The following CENPP variants were observed in gnomAD, a reference collection of about 807,000 sequenced individuals.
CENPP encodes the protein centromere protein P.
CENPP carries 24 observed loss-of-function variants against 35.6 expected under a neutral mutation model. That is an observed-to-expected ratio of 0.67 (90% confidence interval 0.49 to 0.95). The LOEUF is 0.95. CENPP is among the 40% of genes least tolerant of loss of function. CENPP has a pLI of 0.00. For missense variants in CENPP, 332 were observed against 345.3 expected (o/e 0.96, Z 0.31); for synonymous variants, 120 against 125.5 (o/e 0.96, Z 0.29).
intron 5 of CENPP, among the ~76,000 whole-genome samples, chr9:92,381,154 G>T (rs987837464): frequency 1.3e-5 from 2 of 152,084 alleles, no homozygotes; most frequent in Non-Finnish European, 1.5e-5. Context: ...CTTAGCACTT[G>T]CTACCACTGT....
chr9:92,420,261 T>C (rs1459624608), intron 5 of CENPP, among the ~76,000 whole-genome samples: 1 of 152,176 alleles, frequency 6.6e-6, no homozygotes, highest in East Asian at 1.9e-4. Flanking sequence ...GATTCTACTG[T>C]TTTTCACTGT....
chr9:92,512,187 T>C, intron 5 of CENPP: 1 of 1,113,820 alleles, frequency 9.0e-7, no homozygotes, highest in Non-Finnish European at 1.4e-6. Flanking sequence ...TACACACATG[T>C]ATGGGCATGT....
At chr9:92,466,098 G>A (rs1564336208) in intron 5 of CENPP, among the ~76,000 whole-genome samples, 2 of 152,192 alleles carry the variant, frequency 1.3e-5, no homozygotes, top group Admixed American at 6.5e-5. Flanking sequence ...CTCCCAAAGT[G>A]TTGGGATTAC....
chr9:92,371,593 G>C (rs1312448611), intron 4 of CENPP, among the ~76,000 whole-genome samples: 1 of 152,236 alleles, frequency 6.6e-6, no homozygotes, highest in East Asian at 1.9e-4. Flanking sequence ...GCAGTTGTTG[G>C]ATAGCATGTT....
chr9:92,390,100 C>A, intron 5 of CENPP: 1 of 1,142,268 alleles, frequency 8.8e-7, no homozygotes, highest in South Asian at 1.4e-5. Context: ...AAGTAAAATT[C>A]TTATTGTATG....
chr9:92,359,124 T>C (rs1311937042), intron 4 of CENPP, among the ~76,000 whole-genome samples: 1 of 151,974 alleles, frequency 6.6e-6, no homozygotes, highest in East Asian at 1.9e-4. Flanking sequence ...TAATTTTGTA[T>C]TTTTAGTAGA....
chr9:92,501,231 T>C (rs138050720), intron 5 of CENPP, among the ~76,000 whole-genome samples: 59 of 152,274 alleles, frequency 3.9e-4, no homozygotes, highest in African/African-American at 1.4e-3. Context: ...TGCACCAAGC[T>C]GCATGTCCTT....
chr9:92,567,923 A>G (rs1050304577), intron 5 of CENPP, among the ~76,000 whole-genome samples: 2 of 152,204 alleles, frequency 1.3e-5, no homozygotes, highest in Non-Finnish European at 2.9e-5. Flanking sequence ...GGAAAAGGTA[A>G]TACAGGAAAT....
At chr9:92,609,281 G>A (rs1219122001) in intron 5 of CENPP, among the ~76,000 whole-genome samples, 1 of 152,246 alleles carries the variant, frequency 6.6e-6, no homozygotes, top group African/African-American at 2.4e-5. Context: ...ACACTGGCAA[G>A]AGCTCAGCGA....
chr9:92,384,182 A>G (rs1244449690), intron 5 of CENPP: 1 of 152,210 alleles, frequency 6.6e-6, no homozygotes, highest in Non-Finnish European at 1.5e-5. Flanking sequence ...ATGAGCTAAT[A>G]ATCATTGTTA....
At chr9:92,342,090 A>G (rs368840414) in intron 3 of CENPP, among the ~76,000 whole-genome samples, 2 of 152,272 alleles carry the variant, frequency 1.3e-5, no homozygotes, top group East Asian at 3.8e-4. Context: ...GCTTCAAGTC[A>G]TGGCACAATG....
Position 92,476,779 on chromosome 9 carries a change from G to T in CENPP, c.564+96920G>T, listed in dbSNP as rs1845728032. ...GAGGCGTAAAGAGCTTAAGTGACTT[G>T]CCCAAAGTCACCTACCAAATATAAA... On this transcript the variant is annotated intron_variant, in intron 5 of 7. Transcript: ENST00000375587. This position sits in a 1 kb window ranked among gnomAD's most constrained non-coding sequence, Gnocchi z 4.1. Among the ~76,000 whole-genome samples, 1 of 152,178 alleles carries T rather than the reference G, an allele frequency of 6.6e-6. No homozygotes were observed. The highest frequency in any genetic ancestry group is 2.4e-5 in the African/African-American group (1 of 41,442).
intron 4 of CENPP, among the ~76,000 whole-genome samples, chr9:92,355,283 C>G (rs538656908): frequency 2.0e-5 from 3 of 152,242 alleles, no homozygotes; most frequent in African/African-American, 7.2e-5. Context: ...AGACCTCCCC[C>G]CAGGAATGCA....
intron 5 of CENPP, among the ~76,000 whole-genome samples, chr9:92,499,139 TTGAA>T (rs1308007656): frequency 2.0e-5 from 3 of 152,216 alleles, no homozygotes; most frequent in African/African-American, 7.2e-5. Context: ...AAGAGCCAGT[TTGAA>T]TGGCGACCAT....
intron 5 of CENPP, chr9:92,424,101 A>G (rs904084224): frequency 6.6e-6 from 1 of 152,306 alleles, no homozygotes; most frequent in East Asian, 1.9e-4. Flanking sequence ...TGCTTTTGTA[A>G]TAGATGCAGT....
chr9:92,434,388 CAA>C (rs57677848), intron 5 of CENPP, among the ~76,000 whole-genome samples: 14 of 97,236 alleles, frequency 1.4e-4, no homozygotes, highest in Admixed American at 2.4e-4. Context: ...GACTCTGTCT[CAA>C]AAAAAAAAAA....
chr9:92,422,218 A>G (rs1210909929), intron 5 of CENPP, among the ~76,000 whole-genome samples: 3 of 151,758 alleles, frequency 2.0e-5, no homozygotes, highest in Non-Finnish European at 4.4e-5. Flanking sequence ...GACTGGCTAC[A>G]TTTTTTTGTA....
intron 5 of CENPP, among the ~76,000 whole-genome samples, chr9:92,448,506 A>G (rs900447605): frequency 6.6e-6 from 1 of 151,762 alleles, no homozygotes; most frequent in South Asian, 2.1e-4. Flanking sequence ...CCTGAGGGTT[A>G]GGGGTTTTTC....
intron 5 of CENPP, among the ~76,000 whole-genome samples, chr9:92,604,855 A>G (rs551428785): frequency 4.3e-4 from 66 of 152,240 alleles, no homozygotes; most frequent in African/African-American, 1.5e-3. Context: ...CAGCCTACCA[A>G]GGTGCTGGGA....
Sources: allele counts gnomAD v4.1 joint callset (sites outside exome capture counted in the v4.1 genomes callset), GRCh38; gene constraint gnomAD v4.1.1; non-coding constraint Gnocchi (gnomAD v3.1); transcripts MANE v1.5; gene names NCBI Gene and HGNC (gene_info 2026-07-23, HGNC 2026-07-21).